The following MTMR7 variants were observed in gnomAD, a reference collection of about 807,000 sequenced individuals.
MTMR7 encodes the protein phosphatidylinositol-3-phosphate phosphatase MTMR7.
MTMR7 carries 76 observed loss-of-function variants against 81.2 expected under a neutral mutation model. The observed-to-expected ratio is 0.94, with a 90% confidence interval of 0.78 to 1.13. The LOEUF is 1.13. Among genes scored for constraint, MTMR7 ranks in the 50% most tolerant of loss-of-function variants. MTMR7 has a pLI of 0.00. For missense variants in MTMR7, 1,044 were observed against 820.0 expected, an observed-to-expected ratio of 1.27 and a Z score of -3.34; for synonymous variants, 372 against 289.8, an observed-to-expected ratio of 1.28 and a Z score of -2.88.
chr8:17,361,378 C>T, intron 3 of MTMR7, 104 bp from the exon 4 acceptor site: 5 of 1,196,866 alleles, frequency 4.2e-6, no homozygotes, highest in Non-Finnish European at 6.0e-6. Flanking sequence ...AGAGGCCATC[C>T]CAACCCCCAC....
At chr8:17,349,185 T>C (rs1586230620) in intron 4 of MTMR7, 104 bp from the exon 5 acceptor site, 1 of 1,382,286 alleles carries the variant, frequency 7.2e-7, no homozygotes, top group East Asian at 2.3e-5. Flanking sequence ...ATCCTTAAGT[T>C]CCCTTAACCA....
chr8:17,308,624 C>T (rs569715356), intron 10 of MTMR7, among the ~76,000 whole-genome samples: 1 of 152,252 alleles, frequency 6.6e-6, no homozygotes, highest in South Asian at 2.1e-4. Context: ...ACAGCTATAC[C>T]ATTTAAGATT....
At chr8:17,305,680 A>G in intron 11 of MTMR7, 77 bp downstream of exon 11, 1 of 1,322,800 alleles carries the variant, frequency 7.6e-7, no homozygotes, top group Non-Finnish European at 1.1e-6. Flanking sequence ...CTTCAAAATT[A>G]TGAAAGGCCA....
intron 1 of MTMR7, among the ~76,000 whole-genome samples, chr8:17,375,657 T>C (rs538756809): frequency 3.1e-4 from 47 of 152,306 alleles, no homozygotes; most frequent in African/African-American, 1.1e-3. Flanking sequence ...GTAAGGCTAG[T>C]AGCCCAAGGC....
At chr8:17,390,499 A>G in intron 1 of MTMR7, among the ~76,000 whole-genome samples, 1 of 152,188 alleles carries the variant, frequency 6.6e-6, no homozygotes, top group Non-Finnish European at 1.5e-5. Context: ...GTGGAACTGT[A>G]TCACCACGTA....
At chr8:17,375,339 G>A (rs1418227409) in intron 1 of MTMR7, among the ~76,000 whole-genome samples, 2 of 152,088 alleles carry the variant, frequency 1.3e-5, no homozygotes, top group Non-Finnish European at 2.9e-5. Context: ...ATCTACTGAG[G>A]TCAATAAAGA....
At chr8:17,405,835 TACACACACACACAC>T (rs36233628) in intron 1 of MTMR7, among the ~76,000 whole-genome samples, 12,428 of 120,958 alleles carry the variant, frequency 0.1, 563 homozygotes, top group Middle Eastern at 0.19. Context: ...CCCAAAACTA[TACACACACACACAC>T]ACACACACAC....
intron 1 of MTMR7, among the ~76,000 whole-genome samples, chr8:17,380,295 T>C (rs1585108087): frequency 6.6e-6 from 1 of 152,210 alleles, no homozygotes; most frequent in South Asian, 2.1e-4. Flanking sequence ...TTTTTTGATA[T>C]TCGACATCCA....
chr8:17,376,470 G>A (rs1820592205), intron 1 of MTMR7, among the ~76,000 whole-genome samples: 1 of 152,128 alleles, frequency 6.6e-6, no homozygotes, highest in Non-Finnish European at 1.5e-5. Flanking sequence ...GAATTGCTGG[G>A]TCATTTGGTA....
chr8:17,370,244 G>T (rs747108347), intron 3 of MTMR7, among the ~76,000 whole-genome samples: 22 of 151,468 alleles, frequency 1.5e-4, no homozygotes, highest in Non-Finnish European at 2.4e-4. Flanking sequence ...CAATGGAGGT[G>T]CAGGCATGGT....
intron 1 of MTMR7, among the ~76,000 whole-genome samples, chr8:17,397,360 C>A (rs1821293420): frequency 6.6e-6 from 1 of 152,084 alleles, no homozygotes; most frequent in African/African-American, 2.4e-5. Flanking sequence ...AGGGTGGGCT[C>A]CAAGCCTCGC....
intron 7 of MTMR7, among the ~76,000 whole-genome samples, chr8:17,315,523 G>T (rs1243409972): frequency 1.3e-5 from 2 of 152,164 alleles, no homozygotes; most frequent in African/African-American, 4.8e-5. Flanking sequence ...GTACCACTCC[G>T]TCGGGGATGT....
chr8:17,390,503 C>G (rs1821075076), intron 1 of MTMR7, among the ~76,000 whole-genome samples: 1 of 152,096 alleles, frequency 6.6e-6, no homozygotes, highest in Non-Finnish European at 1.5e-5. Flanking sequence ...AACTGTATCA[C>G]CACGTATGTG....
intron 5 of MTMR7, among the ~76,000 whole-genome samples, chr8:17,342,768 A>AG (rs1344720163): frequency 6.6e-6 from 1 of 152,120 alleles, no homozygotes; most frequent in Non-Finnish European, 1.5e-5. Flanking sequence ...TTGAGAATCC[A>AG]GGGGGACAAG....
intron 1 of MTMR7, among the ~76,000 whole-genome samples, chr8:17,396,554 T>C (rs1461281902): frequency 6.6e-6 from 1 of 152,032 alleles, no homozygotes; most frequent in Non-Finnish European, 1.5e-5. Flanking sequence ...TAGAGGGAAA[T>C]TGCCTATCCC....
chr8:17,309,354 GGAGA>G (rs1456983644), intron 9 of MTMR7, 28 bp from the exon 10 acceptor site: 1 of 1,488,576 alleles, frequency 6.7e-7, no homozygotes, highest in East Asian at 2.3e-5. Context: ...CAAATATCTT[GGAGA>G]GAAGCAAACG....
chr8:17,340,568 G>C (rs975723998), intron 6 of MTMR7, among the ~76,000 whole-genome samples: 2 of 152,146 alleles, frequency 1.3e-5, no homozygotes. Flanking sequence ...AGAAAAACTG[G>C]AATTTTATTG....
chr8:17,364,490 C>T (rs896262233), intron 3 of MTMR7, among the ~76,000 whole-genome samples: 1 of 152,162 alleles, frequency 6.6e-6, no homozygotes, highest in Non-Finnish European at 1.5e-5. Flanking sequence ...ATTACCTATA[C>T]TCAACACACT....
intron 6 of MTMR7, among the ~76,000 whole-genome samples, chr8:17,337,687 G>C (rs1445257759): frequency 2.0e-5 from 3 of 149,130 alleles, no homozygotes; most frequent in African/African-American, 7.6e-5. Flanking sequence ...ACAATCACAG[G>C]TCAGTGCAGC....
Sources: allele counts gnomAD v4.1 joint callset (sites outside exome capture counted in the v4.1 genomes callset), GRCh38; gene constraint gnomAD v4.1.1; transcripts MANE v1.5; gene names NCBI Gene and HGNC (gene_info 2026-07-23, HGNC 2026-07-21).